The following TTC27 variants were observed in gnomAD, a reference collection of about 807,000 sequenced individuals.
TTC27 encodes the protein tetratricopeptide repeat domain 27, also known as tetratricopeptide repeat protein 27.
TTC27 carries 79 observed loss-of-function variants against 115.9 expected under a neutral mutation model. The ratio of observed to expected loss-of-function variants is 0.68; its 90% CI spans 0.57 to 0.82. The LOEUF (loss-of-function observed/expected upper bound fraction) is 0.82. Among genes scored for constraint, TTC27 ranks in the 40% least tolerant of loss-of-function variants. The pLI is 0.00. For synonymous variants in TTC27, 401 were observed against 356.0 expected, an observed-to-expected ratio of 1.13 and a Z score of -1.42; for missense variants, 1,054 against 993.1, an observed-to-expected ratio of 1.06 and a Z score of -0.82.
At chr2:32,762,290 T>TGTGTGTGC (rs1669465955) in intron 13 of TTC27, among the ~76,000 whole-genome samples, 1 of 77,424 alleles carries the variant, frequency 1.3e-5, no homozygotes, top group African/African-American at 4.1e-5. Context: ...TGTGTGTGTG[T>TGTGTGTGC]GTGTGTGTGT....
chr2:32,719,372 G>A (rs1466411893), intron 10 of TTC27, among the ~76,000 whole-genome samples: 1 of 152,180 alleles, frequency 6.6e-6, no homozygotes, highest in African/African-American at 2.4e-5. Flanking sequence ...AGAAAGAGAT[G>A]CAACAACCCA....
At chr2:32,805,922 T>G (rs1185524538) in intron 16 of TTC27, among the ~76,000 whole-genome samples, 1 of 152,190 alleles carries the variant, frequency 6.6e-6, no homozygotes, top group Non-Finnish European at 1.5e-5. Context: ...CTTCAGCAAC[T>G]ATGTATCCTC....
At position 32,798,713 on chromosome 2, in the gene TTC27, A is replaced by AAAAAATAAT. The variant is rs1368512271; in HGVS notation, c.1998+11566_1998+11567insAAATAATAA. ...GAGCGAGACTCCAGCTCAAAAAAAA[A>AAAAAATAAT]AATAATAATAATAATAATAATAATA... On this transcript the variant is annotated intron_variant, in intron 16 of 19. Coordinates refer to ENST00000317907, the MANE Select transcript of TTC27 (RefSeq NM_017735.5). 4.6e-4 allele frequency among the ~76,000 whole-genome samples: 65 copies of AAAAAATAAT among 142,344 alleles called. No homozygotes were observed. In the East Asian group the frequency reaches 7.1e-3, roughly 16 times the overall value. 93.4% of individuals were successfully genotyped at this position (142,344 alleles called of 152,430 possible).
intron 16 of TTC27, among the ~76,000 whole-genome samples, chr2:32,807,928 C>CTTTTT (rs70938367): frequency 3.5e-4 from 38 of 109,642 alleles, no homozygotes; most frequent in Admixed American, 5.3e-4. Context: ...TACTTGCCCT[C>CTTTTT]TTTTTTTTTT....
At chr2:32,782,224 A>T (rs1248666289) in intron 14 of TTC27, among the ~76,000 whole-genome samples, 7 of 152,062 alleles carry the variant, frequency 4.6e-5, no homozygotes, top group Admixed American at 4.6e-4. Flanking sequence ...ATTTTTTCTT[A>T]ACCCCCCTAT....
chr2:32,747,798 G>T (rs1218602350), intron 12 of TTC27, among the ~76,000 whole-genome samples: 1 of 152,130 alleles, frequency 6.6e-6, no homozygotes, highest in African/African-American at 2.4e-5. Flanking sequence ...CCTGTTTTCA[G>T]CGTAGGATAC....
chr2:32,794,260 A>G (rs1017251358), intron 16 of TTC27, among the ~76,000 whole-genome samples: 3 of 152,206 alleles, frequency 2.0e-5, no homozygotes, highest in African/African-American at 7.2e-5. Context: ...ATCTTCTCTG[A>G]CTACCCCAGG....
chr2:32,708,304 G>GTTTTTTTTTTTTTTTTTTTTTTTTTTTT lies in TTC27; in HGVS notation c.1233+5406_1233+5407insTTTTTTTTTTTTTTTTTTTTTTTTTTTT, dbSNP rs1158508588. On this transcript the variant is annotated intron_variant, in intron 10 of 19. Coordinates refer to ENST00000317907, the MANE Select transcript of TTC27 (RefSeq NM_017735.5). ...AATAGCGTTTTCTTTTCTCTACCTT[G>GTTTTTTTTTTTTTTTTTTTTTTTTTTTT]TTTTTTTTTTTTTTTTTTTTTTAAT... 8.1e-5 allele frequency among the ~76,000 whole-genome samples: 5 copies of GTTTTTTTTTTTTTTTTTTTTTTTTTTTT among 61,356 alleles called. 1 individual carries two copies. Among genetic ancestry groups the GTTTTTTTTTTTTTTTTTTTTTTTTTTTT allele is most frequent in the East Asian group, 5.2e-4 (1 of 1,914 alleles). The allele number at this position is 61,356 out of a possible 152,430, so 40.3% of individuals were successfully genotyped here. A position where few individuals can be genotyped will look rare whatever the true frequency, so the allele number is the denominator to read the frequency against.
Position 32,811,029 on chromosome 2 carries a change from T to G in TTC27, c.2004T>G (p.Leu668=), listed in dbSNP as rs762458443. The G allele has an allele frequency of 4.3e-6, 7 of 1,614,172 alleles. No individual in the cohort carries two copies. Among genetic ancestry groups the G allele is most frequent in the Non-Finnish European group, 4.2e-6 (5 of 1,180,016 alleles). ...TTGTTCTGTGCATTTTTAAGGTCCTTAAAATTCTAGTCAGGGCAGTGATTG... is the reference window on the plus strand; with the variant it reads ...TTGTTCTGTGCATTTTTAAGGTCCTGAAAATTCTAGTCAGGGCAGTGATTG... ...LRDKYKDVQV[L]KILVRAVIDG... The change falls in exon 17 of 20, where the codon CTT becomes CTG. Residue 668 remains leucine (L), a synonymous_variant. Coordinates refer to ENST00000317907, the MANE Select transcript of TTC27 (RefSeq NM_017735.5).
chr2:32,739,398 T>C (rs921960857), intron 12 of TTC27, among the ~76,000 whole-genome samples: 5 of 152,170 alleles, frequency 3.3e-5, no homozygotes, highest in Non-Finnish European at 7.3e-5. Context: ...CTTTCCTTAA[T>C]TGCAGGAGAA....
intron 13 of TTC27, among the ~76,000 whole-genome samples, chr2:32,761,490 C>G (rs995882512): frequency 5.3e-5 from 8 of 152,168 alleles, no homozygotes; most frequent in African/African-American, 1.9e-4. Context: ...TAATGGCTCT[C>G]AAGACTTTCC....
intron 10 of TTC27, among the ~76,000 whole-genome samples, chr2:32,703,197 G>A (rs545431609): frequency 6.6e-6 from 1 of 152,312 alleles, no homozygotes; most frequent in South Asian, 2.1e-4. Flanking sequence ...GGCTGGGCGC[G>A]GTGGCTCACG....
chr2:32,630,413 C>A, intron 1 of TTC27, 110 bp from the exon 2 acceptor site: 1 of 765,316 alleles, frequency 1.3e-6, no homozygotes, highest in Non-Finnish European at 2.0e-6. Flanking sequence ...CATTCTAAGT[C>A]TATAGATTGT....
chr2:32,814,493 A>G (rs1572637633), intron 18 of TTC27, among the ~76,000 whole-genome samples: 2 of 152,214 alleles, frequency 1.3e-5, no homozygotes, highest in Non-Finnish European at 2.9e-5. Flanking sequence ...ACCTTAGTGC[A>G]GAAAGAATAA....
intron 13 of TTC27, among the ~76,000 whole-genome samples, chr2:32,764,107 CACACAT>C (rs1314590157): frequency 2.7e-5 from 4 of 146,660 alleles, no homozygotes; most frequent in Non-Finnish European, 6.1e-5. Flanking sequence ...TCCCACTTAA[CACACAT>C]ACAGTTTTCC....
intron 9 of TTC27, among the ~76,000 whole-genome samples, chr2:32,696,996 C>T (rs978533698): frequency 2.0e-5 from 3 of 151,992 alleles, no homozygotes; most frequent in Non-Finnish European, 4.4e-5. Context: ...CCCAGGAGTT[C>T]GAGACCCGCC....
At chr2:32,719,288 T>C (rs550974440) in intron 10 of TTC27, among the ~76,000 whole-genome samples, 2 of 152,240 alleles carry the variant, frequency 1.3e-5, no homozygotes, top group East Asian at 3.9e-4. Context: ...ACAAAAGGCT[T>C]TGCAGTGATT....
At chr2:32,675,524 T>G (rs1227538536) in intron 8 of TTC27, among the ~76,000 whole-genome samples, 3 of 152,152 alleles carry the variant, frequency 2.0e-5, no homozygotes, top group African/African-American at 7.2e-5. Flanking sequence ...ACCGGCAGTT[T>G]AACTCTTCAT....
At chr2:32,736,646 C>A in intron 11 of TTC27, 48 bp from the exon 12 acceptor site, 1 of 1,609,272 alleles carries the variant, frequency 6.2e-7, no homozygotes, top group Non-Finnish European at 8.5e-7. Flanking sequence ...AAACAGGAAT[C>A]TCTTTTTACA....
Sources: allele counts gnomAD v4.1 joint callset (sites outside exome capture counted in the v4.1 genomes callset), GRCh38; gene constraint gnomAD v4.1.1; transcripts MANE v1.5; gene names NCBI Gene and HGNC (gene_info 2026-07-23, HGNC 2026-07-21).